Variants in MARCHF1 observed in about 807,000 individuals in gnomAD.
MARCHF1 encodes the protein membrane associated ring-CH-type finger 1.
Under a neutral mutation model 54.2 loss-of-function variants are expected in MARCHF1, and 40 were observed. That is an observed-to-expected ratio of 0.74 (90% CI 0.57 to 0.96). MARCHF1 has a LOEUF of 0.96. MARCHF1 is among the 40% of genes least tolerant of loss of function. MARCHF1 has a pLI of 0.00. For synonymous variants in MARCHF1, 236 were observed against 236.3 expected (o/e 1.00, Z 0.01); for missense variants, 586 against 656.5 (o/e 0.89, Z 1.17).
intron 5 of MARCHF1, among the ~76,000 whole-genome samples, chr4:163,670,270 G>C (rs1743686627): frequency 6.6e-6 from 1 of 151,750 alleles, no homozygotes; most frequent in Non-Finnish European, 1.5e-5. Flanking sequence ...GGGGCCATGG[G>C]GGGAGAGAGA....
At chr4:164,036,687 G>A (rs1307286562) in intron 2 of MARCHF1, among the ~76,000 whole-genome samples, 1 of 152,048 alleles carries the variant, frequency 6.6e-6, no homozygotes, top group Non-Finnish European at 1.5e-5. Flanking sequence ...TAATGGTAAG[G>A]AGATAAAAAA....
chr4:163,716,826 G>A (rs1745273421), intron 4 of MARCHF1, among the ~76,000 whole-genome samples: 1 of 152,034 alleles, frequency 6.6e-6, no homozygotes, highest in African/African-American at 2.4e-5. Context: ...AATCCAGAGA[G>A]ATTTTCTTTG....
intron 5 of MARCHF1, chr4:163,613,610 C>T: frequency 1.4e-6 from 2 of 1,439,808 alleles, no homozygotes. Flanking sequence ...CGCTATTTTG[C>T]TGTTACTTCA....
chr4:164,078,537 AT>A (rs34020082), intron 2 of MARCHF1, among the ~76,000 whole-genome samples: 74,287 of 151,568 alleles, frequency 0.49, 19,570 homozygotes, highest in Non-Finnish European at 0.6. Flanking sequence ...TAAATAAATA[AT>A]TTTTTTTTAA....
At chr4:163,942,306 C>T (rs1421064219) in intron 3 of MARCHF1, among the ~76,000 whole-genome samples, 2 of 152,156 alleles carry the variant, frequency 1.3e-5, no homozygotes, top group South Asian at 2.1e-4. Flanking sequence ...TCGACTCTCT[C>T]CTTCGTATAC....
intron 3 of MARCHF1, among the ~76,000 whole-genome samples, chr4:163,911,500 C>T (rs906067469): frequency 4.6e-5 from 7 of 152,138 alleles, no homozygotes; most frequent in Non-Finnish European, 1.0e-4. Flanking sequence ...TCTAATCATC[C>T]ACTTTTCAGT....
At chr4:164,345,156 A>C (rs1730042984) in intron 1 of MARCHF1, among the ~76,000 whole-genome samples, 2 of 152,148 alleles carry the variant, frequency 1.3e-5, no homozygotes, top group South Asian at 4.1e-4. Flanking sequence ...AACACAAATA[A>C]TAAATGTTGA....
intron 1 of MARCHF1, chr4:164,197,086 CCTT>C (rs771384935): frequency 8.7e-6 from 14 of 1,606,548 alleles, no homozygotes; most frequent in African/African-American, 4.0e-5. Flanking sequence ...ATCGTTATAA[CCTT>C]CTTCATCCTC....
intron 1 of MARCHF1, among the ~76,000 whole-genome samples, chr4:164,243,741 C>A (rs919601657): frequency 1.3e-5 from 2 of 151,916 alleles, no homozygotes; most frequent in Admixed American, 6.6e-5. Flanking sequence ...TACATAGCCT[C>A]AAAATAAAAG....
At chr4:164,053,162 C>A (rs1754410492) in intron 2 of MARCHF1, among the ~76,000 whole-genome samples, 1 of 152,058 alleles carries the variant, frequency 6.6e-6, no homozygotes, top group Admixed American at 6.6e-5. Context: ...ACACAGAGTA[C>A]AGTGAAAAGC....
chr4:163,912,160 T>C (rs1354832829), intron 3 of MARCHF1, among the ~76,000 whole-genome samples: 2 of 152,044 alleles, frequency 1.3e-5, no homozygotes, highest in African/African-American at 2.4e-5. Flanking sequence ...GGGCTCTCTT[T>C]TTGTGTGACC....
intron 1 of MARCHF1, among the ~76,000 whole-genome samples, chr4:164,238,373 C>T (rs1732628883): frequency 6.6e-6 from 1 of 152,016 alleles, no homozygotes; most frequent in South Asian, 2.1e-4. Flanking sequence ...CAGGCTTATT[C>T]ATACTGACAT....
chr4:163,751,251 T>C (rs539015181), intron 4 of MARCHF1, among the ~76,000 whole-genome samples: 1 of 152,014 alleles, frequency 6.6e-6, no homozygotes, highest in South Asian at 2.1e-4. Context: ...CATTATAGCC[T>C]CAAACTCCTG....
At chr4:164,048,611 T>A (rs957103159) in intron 2 of MARCHF1, among the ~76,000 whole-genome samples, 1 of 152,148 alleles carries the variant, frequency 6.6e-6, no homozygotes, top group Non-Finnish European at 1.5e-5. Context: ...GTAAAAAGAA[T>A]GATGTCTTTG....
chr4:164,258,421 G>A (rs909271315), intron 1 of MARCHF1, among the ~76,000 whole-genome samples: 1 of 101,760 alleles, frequency 9.8e-6, no homozygotes, highest in African/African-American at 5.4e-5. Flanking sequence ...TAATAATAAA[G>A]GACAAAACAA....
chr4:163,714,669 A>C (rs937726076), intron 4 of MARCHF1, among the ~76,000 whole-genome samples: 6 of 151,876 alleles, frequency 4.0e-5, no homozygotes, highest in South Asian at 2.1e-4. Flanking sequence ...ATGCTATTTT[A>C]TTTTTCTTTT....
At chr4:163,610,749 CT>C (rs1004667706) in intron 7 of MARCHF1, among the ~76,000 whole-genome samples, 70 of 152,176 alleles carry the variant, frequency 4.6e-4, no homozygotes, top group African/African-American at 1.7e-3. Context: ...TTGTAAATCC[CT>C]TTTAAGTCCT....
At chr4:164,029,947 T>C (rs996935298) in intron 2 of MARCHF1, among the ~76,000 whole-genome samples, 2 of 152,230 alleles carry the variant, frequency 1.3e-5, no homozygotes, top group Non-Finnish European at 2.9e-5. Flanking sequence ...TGTAAATGTT[T>C]CCTTTCCCCT....
intron 1 of MARCHF1, among the ~76,000 whole-genome samples, chr4:164,244,441 G>A (rs1229151120): frequency 6.0e-5 from 9 of 150,604 alleles, no homozygotes; most frequent in Non-Finnish European, 1.3e-4. Context: ...CAGAATCTCT[G>A]GGACGCATTC....
Sources: gnomAD v4.1 joint callset for allele counts (sites outside exome capture counted in the v4.1 genomes callset) on GRCh38, gnomAD v4.1.1 for gene constraint, MANE v1.5 for transcripts, NCBI Gene and HGNC (gene_info 2026-07-23, HGNC 2026-07-21) for gene names.